Variants in MAD1L1 observed in about 807,000 individuals in gnomAD.
The protein encoded by MAD1L1 is mitotic arrest deficient 1 like 1.
A neutral mutation model predicts 96.9 loss-of-function variants in MAD1L1; 95 were observed. That is an observed-to-expected ratio of 0.98 (90% CI 0.83 to 1.16). The LOEUF (loss-of-function observed/expected upper bound fraction) is 1.16, where lower values mean the gene tolerates loss of function less well. Ranked by LOEUF, MAD1L1 falls within the 50% of genes most tolerant of loss-of-function variation. The pLI, the probability that MAD1L1 is intolerant of heterozygous loss-of-function variation, is 0.00. For synonymous variants in MAD1L1, 473 were observed against 396.6 expected, an observed-to-expected ratio of 1.19 and a Z score of -2.29; for missense variants, 1,007 against 954.4, an observed-to-expected ratio of 1.06 and a Z score of -0.73.
At chr7:1,847,282 G>A (rs201241196) in intron 18 of MAD1L1, 9 of 470,928 alleles carry the variant, frequency 1.9e-5, no homozygotes, top group Admixed American at 1.6e-4. Context: ...ACAACCGAAC[G>A]TGCCAGGACT....
In MAD1L1 at chr7:2,210,582, G is replaced by A. The variant is rs543592087; in HGVS notation, c.986+2630C>T. Among the ~76,000 whole-genome samples, 24 of 152,070 alleles carry A rather than the reference G, an allele frequency of 1.6e-4. No individual in the cohort carries two copies. In the East Asian group the frequency reaches 1.8e-3, roughly 11 times the overall value. On this transcript the variant is annotated intron_variant, in intron 10 of 18. Coordinates refer to ENST00000265854, the MANE Select transcript of MAD1L1 (RefSeq NM_001013836.2). ...TTCGGGACCGCCAGCCCGCATTCCC[G>A]TGGACTGCGGCATGAGCACCACCCC...
intron 11 of MAD1L1, among the ~76,000 whole-genome samples, chr7:2,076,078 T>C (rs912228304): frequency 6.6e-6 from 1 of 152,134 alleles, no homozygotes; most frequent in African/African-American, 2.4e-5. Flanking sequence ...ATCCGACCCT[T>C]GGGATGGTAT....
At chr7:2,231,256 C>T (rs1045116154) in intron 1 of MAD1L1, among the ~76,000 whole-genome samples, 2 of 152,058 alleles carry the variant, frequency 1.3e-5, no homozygotes, top group African/African-American at 2.4e-5. Context: ...TGAGACCGCA[C>T]CACTGCACTC....
chr7:1,907,281 C>T (rs1787718865), intron 17 of MAD1L1, among the ~76,000 whole-genome samples: 1 of 152,172 alleles, frequency 6.6e-6, no homozygotes, highest in Admixed American at 6.5e-5. Context: ...CTGGGCCCTG[C>T]ACAGCTGCCA....
chr7:2,193,070 T>C (rs370984117), intron 10 of MAD1L1, among the ~76,000 whole-genome samples: 38 of 152,250 alleles, frequency 2.5e-4, no homozygotes, highest in African/African-American at 8.7e-4. Context: ...CTCCTCACAG[T>C]ACAAATAGAC....
chr7:2,113,204 A>C (rs186033939), intron 11 of MAD1L1, among the ~76,000 whole-genome samples: 1,891 of 152,286 alleles, frequency 0.012, 14 homozygotes, highest in Non-Finnish European at 0.017. Context: ...ACGGGCGGAC[A>C]GAAAACCGCC....
intron 12 of MAD1L1, among the ~76,000 whole-genome samples, chr7:2,064,884 A>C (rs552105947): frequency 6.6e-5 from 10 of 151,426 alleles, no homozygotes; most frequent in Middle Eastern, 3.5e-3. Flanking sequence ...CGGCTTCTCC[A>C]GGGAGGACGG....
chr7:1,933,128 G>T (rs139611357), intron 17 of MAD1L1, among the ~76,000 whole-genome samples: 16 of 152,108 alleles, frequency 1.1e-4, no homozygotes, highest in Admixed American at 3.3e-4. Flanking sequence ...TCTGCGTTTC[G>T]CTGTGCTCTG....
At chr7:2,138,373 G>C (rs1315978717) in intron 11 of MAD1L1, among the ~76,000 whole-genome samples, 1 of 152,208 alleles carries the variant, frequency 6.6e-6, no homozygotes, top group Non-Finnish European at 1.5e-5. Flanking sequence ...ACTTAGTCCA[G>C]AGCCACTCAG....
chr7:2,132,736 T>C (rs1473575525), intron 11 of MAD1L1, among the ~76,000 whole-genome samples: 1 of 152,250 alleles, frequency 6.6e-6, no homozygotes, highest in African/African-American at 2.4e-5. Context: ...CATTTCTTTT[T>C]AGCTCAGAAC....
At chr7:1,891,874 C>T (rs886130553) in intron 18 of MAD1L1, among the ~76,000 whole-genome samples, 1 of 152,178 alleles carries the variant, frequency 6.6e-6, no homozygotes, top group African/African-American at 2.4e-5. Flanking sequence ...GGCCACTGTG[C>T]CCAGCCATTC....
At chr7:1,851,648 G>T (rs930913384) in intron 18 of MAD1L1, among the ~76,000 whole-genome samples, 1 of 152,196 alleles carries the variant, frequency 6.6e-6, no homozygotes, top group African/African-American at 2.4e-5. Context: ...GTTAGTGAAG[G>T]CGTGGCGAGG....
intron 14 of MAD1L1, among the ~76,000 whole-genome samples, chr7:2,000,401 C>T (rs991772465): frequency 1.3e-5 from 2 of 152,134 alleles, no homozygotes; most frequent in African/African-American, 4.8e-5. Flanking sequence ...GGTTGTGTCA[C>T]CACCTCCTCC....
At position 1,994,034 on chromosome 7, in the gene MAD1L1, A is replaced by G. The variant is rs559757280; in HGVS notation, c.1416+8031T>C. 2.6e-5 allele frequency among the ~76,000 whole-genome samples: 4 copies of G among 152,352 alleles called. No individual in the cohort carries two copies. In the South Asian group the frequency reaches 8.3e-4, roughly 32 times the overall value. ...GGGTGTGAACCCTGGAGCACTCTCC[A>G]CCACTGCCGGTGCCAACACGGGCAG... On this transcript the variant is annotated intron_variant, in intron 14 of 18. Transcript: ENST00000265854.
At chr7:1,894,789 G>C (rs1055598664) in intron 18 of MAD1L1, among the ~76,000 whole-genome samples, 1 of 152,042 alleles carries the variant, frequency 6.6e-6, no homozygotes, top group African/African-American at 2.4e-5. Context: ...GGAGGAGTGG[G>C]AGAGGGAGGA....
At chr7:2,046,524 G>A (rs1783926779) in intron 12 of MAD1L1, among the ~76,000 whole-genome samples, 1 of 152,030 alleles carries the variant, frequency 6.6e-6, no homozygotes, top group Non-Finnish European at 1.5e-5. Flanking sequence ...AACTTTGGAA[G>A]GGTGAAGTTC....
intron 17 of MAD1L1, among the ~76,000 whole-genome samples, chr7:1,909,805 C>A (rs1344810736): frequency 1.3e-5 from 2 of 152,228 alleles, no homozygotes; most frequent in Non-Finnish European, 2.9e-5. Context: ...TACCAGACGG[C>A]CCTTGAGACA....
rs556401606 is a variant in MAD1L1 at position 1,884,379 on chromosome 7, G to T, written c.1998+13821C>A. Among the ~76,000 whole-genome samples, 8 of 152,308 alleles carry T rather than the reference G, an allele frequency of 5.3e-5. No individual in the cohort carries two copies. The East Asian group carries it at 1.6e-3, about 30-fold the overall frequency. Reference sequence around the variant, plus strand: ...CACCAGCTCCCCTGCCTCTGGCTTGGGAAGCCTGAGGTGAGCCCTGGACTC... The same window carrying T: ...CACCAGCTCCCCTGCCTCTGGCTTGTGAAGCCTGAGGTGAGCCCTGGACTC... On this transcript the variant is annotated intron_variant, in intron 18 of 18. Coordinates refer to ENST00000265854, the MANE Select transcript of MAD1L1 (RefSeq NM_001013836.2).
intron 14 of MAD1L1, among the ~76,000 whole-genome samples, chr7:1,981,947 G>A (rs1780925944): frequency 6.6e-6 from 1 of 152,008 alleles, no homozygotes; most frequent in Non-Finnish European, 1.5e-5. Context: ...CCACAGTTCA[G>A]ACAACAAACA....
Sources: allele counts gnomAD v4.1 joint callset (sites outside exome capture counted in the v4.1 genomes callset), GRCh38; gene constraint gnomAD v4.1.1; transcripts MANE v1.5; gene names NCBI Gene and HGNC (gene_info 2026-07-23, HGNC 2026-07-21).